The following DLGAP1 variants were observed in gnomAD, a reference collection of about 807,000 sequenced individuals.
DLGAP1 encodes DLG associated protein 1.
In DLGAP1, 11 loss-of-function variants were observed where a neutral mutation model predicts 90.8. The observed-to-expected ratio is 0.12, with a 90% CI of 0.08 to 0.20. DLGAP1 has a LOEUF of 0.20. Ranked by LOEUF, DLGAP1 falls within the 10% of genes least tolerant of loss-of-function variation. The pLI, the probability that DLGAP1 is intolerant of heterozygous loss-of-function variation, is 1.00. For missense variants in DLGAP1, 1,050 were observed against 1,333.8 expected (o/e 0.79, Z 3.31); for synonymous variants, 558 against 540.7 (o/e 1.03, Z -0.44).
chr18:4,333,386 G>A (rs1314434078), intron 1 of DLGAP1, among the ~76,000 whole-genome samples: 2 of 151,704 alleles, frequency 1.3e-5, no homozygotes, highest in African/African-American at 4.9e-5. Context: ...TACTATACAA[G>A]TGCTTTTCAC....
At chr18:3,882,437 G>T (rs1396949409) in intron 3 of DLGAP1, among the ~76,000 whole-genome samples, 1 of 151,324 alleles carries the variant, frequency 6.6e-6, no homozygotes, top group African/African-American at 2.4e-5. Context: ...AGTGGGGAGA[G>T]GATTGCTTGA....
intron 4 of DLGAP1, among the ~76,000 whole-genome samples, chr18:3,854,390 T>C (rs368445930): frequency 2.6e-5 from 4 of 152,222 alleles, no homozygotes; most frequent in South Asian, 2.1e-4. Flanking sequence ...ATTTAAAATA[T>C]TGGATCTCAG....
chr18:3,879,238 G>T lies in DLGAP1; in HGVS notation c.831C>A (p.Ser277Arg). 1.3e-6 allele frequency: 2 copies of T among 1,595,478 alleles called. No individual in the cohort carries two copies. The highest frequency in any genetic ancestry group is 2.3e-5 in the South Asian group (2 of 87,854). ...TCACGGTGAGCGTGGAGGACCAGGC[G>T]CTCTTCTTCAGCAGCGGGGTGTCCA... Reference protein sequence around the residue: ...VSLDTPLLKKSAWSSTLTVSR... With the variant: ...VSLDTPLLKKRAWSSTLTVSR... The change falls in exon 4 of 13, where the codon AGC (serine) becomes AGA (arginine). Residue 277 changes from serine (S) to arginine (R), a missense_variant. Physicochemically the swap from Ser to Arg is moderately radical, Grantham distance 110. Around this residue, in one of 2 missense-constraint regions of DLGAP1, gnomAD observed 485 missense variants for 454.1 expected, o/e 1.07. Transcript: ENST00000315677. This position sits in a 1 kb window ranked among gnomAD's most constrained non-coding sequence, Gnocchi z 6.6.
chr18:4,112,532 G>T (rs1304055272), intron 2 of DLGAP1, among the ~76,000 whole-genome samples: 4 of 152,050 alleles, frequency 2.6e-5, no homozygotes, highest in Non-Finnish European at 5.9e-5. Context: ...TATTATTGTT[G>T]AATTATCCAT....
chr18:4,133,595 C>T (rs189897087), intron 2 of DLGAP1, among the ~76,000 whole-genome samples: 2 of 152,224 alleles, frequency 1.3e-5, no homozygotes, highest in Admixed American at 1.3e-4. Context: ...TGGAGTTAGA[C>T]ACACTTTTCT....
intron 7 of DLGAP1, among the ~76,000 whole-genome samples, chr18:3,600,751 T>TATATAG (rs2056879424): frequency 3.8e-5 from 2 of 52,428 alleles, no homozygotes; most frequent in South Asian, 6.1e-4. Flanking sequence ...TATATAGATA[T>TATATAG]ATATAGATAT....
At chr18:3,880,197 T>C in intron 3 of DLGAP1, 57 bp from the exon 4 acceptor site, 1 of 843,894 alleles carries the variant, frequency 1.2e-6, no homozygotes, top group Non-Finnish European at 1.9e-6. Flanking sequence ...AATTAGGTAT[T>C]GCACTTTACA....
At chr18:4,114,056 C>CTTTTTTT in intron 2 of DLGAP1, among the ~76,000 whole-genome samples, 1 of 106,920 alleles carries the variant, frequency 9.4e-6, no homozygotes, top group Non-Finnish European at 1.9e-5. Context: ...ATGCCTCTGG[C>CTTTTTTT]TTTTTTTTTT....
chr18:4,418,533 G>T (rs776544699), intron 1 of DLGAP1, among the ~76,000 whole-genome samples: 2 of 152,150 alleles, frequency 1.3e-5, no homozygotes, highest in African/African-American at 2.4e-5. Context: ...AAATGAAAAT[G>T]TTAGAACTGA....
At chr18:4,353,644 G>A (rs16946566) in intron 1 of DLGAP1, among the ~76,000 whole-genome samples, 7,633 of 151,756 alleles carry the variant, frequency 0.05, 255 homozygotes, top group African/African-American at 0.092. Context: ...TCTTAAAACC[G>A]TGAAACTAGT....
intron 6 of DLGAP1, among the ~76,000 whole-genome samples, chr18:3,737,197 G>A (rs2062682479): frequency 6.6e-6 from 1 of 150,600 alleles, no homozygotes; most frequent in Non-Finnish European, 1.5e-5. Context: ...GAGGTACAAG[G>A]AGGAACTGGT....
At chr18:3,558,789 T>A (rs1391275118) in intron 9 of DLGAP1, among the ~76,000 whole-genome samples, 1 of 152,228 alleles carries the variant, frequency 6.6e-6, no homozygotes, top group Non-Finnish European at 1.5e-5. Context: ...GTAGACAACA[T>A]ATAGTTAAGT....
intron 1 of DLGAP1, among the ~76,000 whole-genome samples, chr18:4,220,838 G>A (rs1169272165): frequency 1.3e-5 from 2 of 152,032 alleles, no homozygotes; most frequent in African/African-American, 4.8e-5. Flanking sequence ...ACACAGCAAT[G>A]CAATATATAA....
chr18:4,089,980 G>A (rs913511235), intron 2 of DLGAP1, among the ~76,000 whole-genome samples: 1 of 152,178 alleles, frequency 6.6e-6, no homozygotes, highest in Admixed American at 6.5e-5. Flanking sequence ...GGGAGGCGGA[G>A]TTTGCAGTGA....
At chr18:4,305,256 C>T (rs758580590) in intron 1 of DLGAP1, among the ~76,000 whole-genome samples, 6 of 151,868 alleles carry the variant, frequency 4.0e-5, no homozygotes, top group African/African-American at 9.7e-5. Flanking sequence ...AAAAACCAGC[C>T]GGGCGTGGTG....
intron 2 of DLGAP1, among the ~76,000 whole-genome samples, chr18:4,100,766 C>T (rs554156297): frequency 4.1e-4 from 63 of 152,324 alleles, no homozygotes; most frequent in African/African-American, 1.5e-3. Flanking sequence ...TTCTCCATCA[C>T]CACTTGCTGC....
intron 1 of DLGAP1, among the ~76,000 whole-genome samples, chr18:4,438,838 A>G (rs139871622): frequency 0.01 from 1,525 of 152,218 alleles, 27 homozygotes; most frequent in African/African-American, 0.035. Context: ...CGCCTCTCTC[A>G]TGGGAAACTT....
At chr18:4,260,955 C>T (rs902553400) in intron 1 of DLGAP1, among the ~76,000 whole-genome samples, 1 of 152,174 alleles carries the variant, frequency 6.6e-6, no homozygotes, top group African/African-American at 2.4e-5. Context: ...TGCAAATCAA[C>T]AGCATAACAC....
chr18:3,596,643 A>G (rs1599432826), intron 7 of DLGAP1: 17 of 312,302 alleles, frequency 5.4e-5, no homozygotes, highest in South Asian at 4.4e-4. Flanking sequence ...TGTCTGTTCC[A>G]CGGATGTAAC....
Sources: allele counts gnomAD v4.1 joint callset (sites outside exome capture counted in the v4.1 genomes callset), GRCh38; gene constraint gnomAD v4.1.1; regional missense constraint gnomAD v4.1.1; non-coding constraint Gnocchi (gnomAD v3.1); transcripts MANE v1.5; gene names NCBI Gene and HGNC (gene_info 2026-07-23, HGNC 2026-07-21).